SHC4: variants seen among roughly 807,000 people sequenced by gnomAD.
The protein encoded by SHC4 is SHC adaptor protein 4.
SHC4 carries 41 observed loss-of-function variants against 69.4 expected under a neutral mutation model. That is an observed-to-expected ratio of 0.59 (90% CI 0.46 to 0.77). SHC4 has a LOEUF of 0.77. Ranked by LOEUF, SHC4 falls within the 30% of genes least tolerant of loss-of-function variation. The pLI is 0.00. For synonymous variants in SHC4, 318 were observed against 299.3 expected, an observed-to-expected ratio of 1.06 and a Z score of -0.64; for missense variants, 777 against 783.8, an observed-to-expected ratio of 0.99 and a Z score of 0.10.
At chr15:48,959,498 T>G (rs1901504223) in intron 1 of SHC4, among the ~76,000 whole-genome samples, 1 of 152,184 alleles carries the variant, frequency 6.6e-6, no homozygotes, top group Admixed American at 6.5e-5. Flanking sequence ...GCAAATAAGT[T>G]GGGGCAGGGA....
Position 48,880,985 on chromosome 15 carries a change from A to AGAGTGT in SHC4, c.840+3262_840+3263insACACTC, listed in dbSNP as rs368901839. On this transcript the variant is annotated intron_variant, in intron 4 of 11. Transcript: ENST00000332408. ...AGGACTAAATGATGATGTGTGTGAG[A>AGAGTGT]GTGTGTGTGTGTGTGTGTGTGTGTG... Among the ~76,000 whole-genome samples, 165 of 146,078 alleles carry AGAGTGT rather than the reference A, an allele frequency of 1.1e-3. 1 individual carries two copies. The highest frequency in any genetic ancestry group is 2.1e-3 in the Admixed American group (31 of 14,716).
At chr15:48,866,529 A>G (rs747360499) in intron 6 of SHC4, among the ~76,000 whole-genome samples, 8 of 152,136 alleles carry the variant, frequency 5.3e-5, no homozygotes, top group Non-Finnish European at 8.8e-5. Context: ...TTCTCCCTGA[A>G]TCCATCTACT....
chr15:48,960,243 C>T (rs74014904), intron 1 of SHC4, among the ~76,000 whole-genome samples: 1,994 of 152,218 alleles, frequency 0.013, 40 homozygotes, highest in African/African-American at 0.046. Context: ...CAACTCTTTT[C>T]ACATTTAAAA....
intron 1 of SHC4, among the ~76,000 whole-genome samples, chr15:48,953,455 T>C (rs890324128): frequency 2.6e-5 from 4 of 152,118 alleles, no homozygotes; most frequent in African/African-American, 9.7e-5. Context: ...ACTACAGTAG[T>C]GGAGTTGACA....
rs529721157 is a variant in SHC4, at chr15:48,852,479, T to C, written c.1243-1231A>G. Among the ~76,000 whole-genome samples the C allele has an allele frequency of 5.9e-5, 9 of 152,306 alleles. No individual in the cohort carries two copies. The South Asian group carries it at 6.2e-4, about 11-fold the overall frequency. ...TTGTATAATTCTTTCAAATAGTCTA[T>C]ATGTTTAAAAATACTCATAATAAAA... On this transcript the variant is annotated intron_variant, in intron 8 of 11. Transcript: ENST00000332408.
At chr15:48,935,550 T>C (rs1043155064) in intron 1 of SHC4, among the ~76,000 whole-genome samples, 1 of 152,338 alleles carries the variant, frequency 6.6e-6, no homozygotes, top group Non-Finnish European at 1.5e-5. Context: ...GTGTTCCTTC[T>C]TAAAGGGGTA....
At chr15:48,932,914 G>T (rs923056111) in intron 1 of SHC4, among the ~76,000 whole-genome samples, 3 of 152,000 alleles carry the variant, frequency 2.0e-5, no homozygotes, top group African/African-American at 7.2e-5. Context: ...AGTAAGATAT[G>T]GCTTGAGGTA....
Position 48,923,979 on chromosome 15 carries a change from A to T in SHC4, c.656+900T>A, listed in dbSNP as rs578065798. 1.1e-3 allele frequency among the ~76,000 whole-genome samples: 169 copies of T among 152,210 alleles called. 2 individuals are homozygous for T. The highest frequency in any genetic ancestry group is 7.4e-5 in the Non-Finnish European group (5 of 68,006). On this transcript the variant is annotated intron_variant, in intron 2 of 11. Coordinates refer to ENST00000332408, the MANE Select transcript of SHC4 (RefSeq NM_203349.4). ...ATACTATTGTATACTGTAGTCTCCT[A>T]AAGAGTGATGTGGCTCCTTTCGCTA...
In SHC4 at chr15:48,855,902, A is replaced by G. The variant is rs1283523283; in HGVS notation, c.1242+51T>C. 1.4e-5 allele frequency: 22 copies of G among 1,541,136 alleles called. No individual in the cohort carries two copies. The Admixed American group carries it at 4.2e-4, about 30-fold the overall frequency. On this transcript the variant is annotated intron_variant, in intron 8 of 11. Coordinates refer to ENST00000332408, the MANE Select transcript of SHC4 (RefSeq NM_203349.4). ...AATCCTCAAAGTAAATGCTCTAGTG[A>G]TAAGGGCAGAATTGCATTGCTGGTT...
At chr15:48,934,345 T>A (rs183010158) in intron 1 of SHC4, among the ~76,000 whole-genome samples, 2 of 152,306 alleles carry the variant, frequency 1.3e-5, no homozygotes, top group African/African-American at 4.8e-5. Flanking sequence ...ATGTTCAATA[T>A]AATTTACCAT....
chr15:48,897,783 A>ACACACACACACACACT (rs1900250429), intron 2 of SHC4, among the ~76,000 whole-genome samples: 1 of 151,814 alleles, frequency 6.6e-6, no homozygotes, highest in African/African-American at 2.4e-5. Context: ...ACACACACAC[A>ACACACACACACACACT]CATCTATAGT....
chr15:48,844,461 A>G (rs1166224737), intron 9 of SHC4, among the ~76,000 whole-genome samples: 1 of 151,948 alleles, frequency 6.6e-6, no homozygotes, highest in Non-Finnish European at 1.5e-5. Flanking sequence ...ATGATCTCAC[A>G]TCGAAAGGCT....
At chr15:48,890,862 AG>A (rs769396483) in intron 2 of SHC4, 51 bp from the exon 3 acceptor site, 16 of 1,582,772 alleles carry the variant, frequency 1.0e-5, no homozygotes, top group African/African-American at 1.3e-5. Flanking sequence ...ACCTCCACAC[AG>A]TAAGTGTTTA....
chr15:48,898,037 T>C (rs1225470927), intron 2 of SHC4, among the ~76,000 whole-genome samples: 2 of 152,212 alleles, frequency 1.3e-5, no homozygotes, highest in African/African-American at 2.4e-5. Context: ...GCCTTCTTAT[T>C]ATGAATGAAG....
In SHC4 at chr15:48,843,400, GCTACTTA is replaced by G. The variant is rs1567050376; in HGVS notation, c.1483+2_1483+8del. 1 of 1,599,310 alleles carries G rather than the reference GCTACTTA, an allele frequency of 6.3e-7. No individual in the cohort carries two copies. The highest frequency in any genetic ancestry group is 1.7e-5 in the Admixed American group (1 of 58,412). On this transcript the variant is annotated splice_donor_variant and splice_donor_5th_base_variant and intron_variant, in intron 10 of 11. Coordinates refer to ENST00000332408, the MANE Select transcript of SHC4 (RefSeq NM_203349.4). LOFTEE classifies it high-confidence loss of function. ...AAGAAATGAATACAGACAGTGAGTA[GCTACTTA>G]CTTCCGCAGTGCCATGGGCTCCCCA...
chr15:48,864,954 C>G (rs1284143984), intron 6 of SHC4, among the ~76,000 whole-genome samples: 4 of 152,180 alleles, frequency 2.6e-5, no homozygotes, highest in African/African-American at 9.7e-5. Context: ...TTCTCTGCAA[C>G]CCCGCCTTTA....
At chr15:48,944,454 C>T (rs996841755) in intron 1 of SHC4, among the ~76,000 whole-genome samples, 1 of 152,174 alleles carries the variant, frequency 6.6e-6, no homozygotes, top group African/African-American at 2.4e-5. Context: ...GCCATTCCTT[C>T]TTCCTGCTGC....
chr15:48,913,987 T>C (rs1461250861), intron 2 of SHC4, among the ~76,000 whole-genome samples: 1 of 152,174 alleles, frequency 6.6e-6, no homozygotes, highest in Non-Finnish European at 1.5e-5. Flanking sequence ...TCTGCTTCCT[T>C]CAGAGGGTCT....
intron 6 of SHC4, among the ~76,000 whole-genome samples, chr15:48,858,123 T>C (rs1396457086): frequency 1.3e-5 from 2 of 152,194 alleles, no homozygotes; most frequent in East Asian, 1.9e-4. Context: ...AATGTTTAAC[T>C]GCTAGCTCTT....
Sources: allele counts gnomAD v4.1 joint callset (sites outside exome capture counted in the v4.1 genomes callset), GRCh38; gene constraint gnomAD v4.1.1; transcripts MANE v1.5; gene names NCBI Gene and HGNC (gene_info 2026-07-23, HGNC 2026-07-21).